Variants in OR7C1 observed in about 807,000 individuals in gnomAD.
OR7C1 encodes the protein olfactory receptor 7C1.
For synonymous variants in OR7C1, 152 were observed against 160.7 expected, an observed-to-expected ratio of 0.95 and a Z score of 0.41; for missense variants, 324 against 383.3, an observed-to-expected ratio of 0.85 and a Z score of 1.29.
chr19:14,827,513 A>G, intron 1 of OR7C1: 1 of 1,614,150 alleles, frequency 6.2e-7, no homozygotes. Flanking sequence ...CTGAGAGGTG[A>G]GATGCACAGG....
chr19:14,813,072 C>CA (rs61686100), intron 1 of OR7C1, among the ~76,000 whole-genome samples: 8,166 of 87,488 alleles, frequency 0.093, 522 homozygotes, highest in African/African-American at 0.2. Context: ...GATTCCATCT[C>CA]AAAAAAAAAA....
intron 1 of OR7C1, among the ~76,000 whole-genome samples, chr19:14,811,814 A>G (rs1351665870): frequency 6.6e-6 from 1 of 151,946 alleles, no homozygotes; most frequent in Non-Finnish European, 1.5e-5. Context: ...CTGTCAGACT[A>G]TCCACCATAC....
chr19:14,831,319 C>G (rs940686983), intron 1 of OR7C1, among the ~76,000 whole-genome samples: 1 of 152,180 alleles, frequency 6.6e-6, no homozygotes, highest in Non-Finnish European at 1.5e-5. Flanking sequence ...GTAAAAGACT[C>G]ATTTTTTTCT....
rs543628760 is a variant in OR7C1 at position 14,803,771 on chromosome 19, G to A, written c.-434-3007C>T. Among the ~76,000 whole-genome samples, 9 of 151,650 alleles carry A rather than the reference G, an allele frequency of 5.9e-5. No homozygotes were observed. In the East Asian group the frequency reaches 1.7e-3, roughly 29 times the overall value. On this transcript the variant is annotated intron_variant, in intron 2 of 4. Coordinates refer to ENST00000641666, the Ensembl canonical transcript of OR7C1. The stretch of plus-strand genomic sequence containing the variant: ...GTCGCCCAGGCTGGAGTGCAGTGGC[G>A]CGATCTCGGCTCACTTCAACCTCTG...
intron 1 of OR7C1, chr19:14,826,403 G>A (rs2044768097): frequency 6.6e-6 from 1 of 152,162 alleles, no homozygotes; most frequent in Non-Finnish European, 1.5e-5. Flanking sequence ...GGGATAGAAG[G>A]ATTCGTATTT....
At chr19:14,814,799 C>T (rs181089944) in intron 1 of OR7C1, among the ~76,000 whole-genome samples, 3 of 152,272 alleles carry the variant, frequency 2.0e-5, no homozygotes, top group African/African-American at 2.4e-5. Context: ...AACTTCACTT[C>T]CAGCCATGAC....
intron 1 of OR7C1, among the ~76,000 whole-genome samples, chr19:14,829,934 C>T (rs1346937676): frequency 6.6e-6 from 1 of 152,172 alleles, no homozygotes; most frequent in African/African-American, 2.4e-5. Context: ...GTGATCATAG[C>T]TCACTGCAGC....
chr19:14,830,840 G>C (rs367801627), intron 1 of OR7C1, among the ~76,000 whole-genome samples: 1 of 152,086 alleles, frequency 6.6e-6, no homozygotes. Context: ...CACAACCCTC[G>C]TGTGCCAATG....
chr19:14,819,332 C>G (rs1042752743), intron 1 of OR7C1, among the ~76,000 whole-genome samples: 1 of 151,990 alleles, frequency 6.6e-6, no homozygotes, highest in Admixed American at 6.6e-5. Context: ...ACCCCCACCC[C>G]CTGACAGGCT....
rs8103244 is a variant in OR7C1, at chr19:14,805,755, C to A, written c.-435+4051G>T. Among the ~76,000 whole-genome samples, 87 of 151,978 alleles carry A rather than the reference C, an allele frequency of 5.7e-4. 2 individuals are homozygous for A. The highest frequency in any genetic ancestry group is 6.8e-3 in the Middle Eastern group (2 of 294). On this transcript the variant is annotated intron_variant, in intron 2 of 4. Transcript: ENST00000641666. ...GTGTGACAAAAAATAATCTGAATGA[C>A]CAGCTTCATTGGGTTTTCTTTTTCT...
intron 1 of OR7C1, among the ~76,000 whole-genome samples, chr19:14,829,264 C>T (rs893702552): frequency 6.6e-6 from 1 of 152,170 alleles, no homozygotes; most frequent in Admixed American, 6.5e-5. Flanking sequence ...AGCGCAGTGG[C>T]GCAATCTCAG....
intron 2 of OR7C1, among the ~76,000 whole-genome samples, chr19:14,803,441 TCTC>T (rs1568247517): frequency 6.6e-6 from 1 of 151,970 alleles, no homozygotes; most frequent in Non-Finnish European, 1.5e-5. Flanking sequence ...CATGTTGTCT[TCTC>T]CTTACTGTAC....
chr19:14,829,557 G>A (rs2044810837), intron 1 of OR7C1, among the ~76,000 whole-genome samples: 1 of 152,154 alleles, frequency 6.6e-6, no homozygotes, highest in Admixed American at 6.5e-5. Context: ...TGTGGCCAGG[G>A]AATCAGTAAG....
At chr19:14,829,660 G>C (rs746652834) in intron 1 of OR7C1, among the ~76,000 whole-genome samples, 21 of 152,224 alleles carry the variant, frequency 1.4e-4, no homozygotes, top group Non-Finnish European at 2.8e-4. Context: ...CATCTGTCTA[G>C]ATGCTGTTGC....
chr19:14,827,595 T>C (rs2044783337), intron 1 of OR7C1: 1 of 1,613,996 alleles, frequency 6.2e-7, no homozygotes, highest in Admixed American at 1.7e-5. Context: ...AGAGTAAGAG[T>C]AAAGGATCCC....
chr19:14,824,376 C>G (rs997643514), intron 1 of OR7C1: 1 of 152,210 alleles, frequency 6.6e-6, no homozygotes, highest in Non-Finnish European at 1.5e-5. Context: ...TTCCTACTCC[C>G]TTTCTCCCCA....
intron 1 of OR7C1, among the ~76,000 whole-genome samples, chr19:14,816,473 C>T (rs749413798): frequency 2.0e-4 from 30 of 152,164 alleles, no homozygotes; most frequent in Non-Finnish European, 4.3e-4. Flanking sequence ...TTCCAGCTTT[C>T]GTCTTTCTCC....
intron 1 of OR7C1, among the ~76,000 whole-genome samples, chr19:14,820,208 G>A (rs2044734395): frequency 6.6e-6 from 1 of 152,030 alleles, no homozygotes. Context: ...CACTGCGCCG[G>A]GATAGATCAT....
intron 2 of OR7C1, among the ~76,000 whole-genome samples, chr19:14,805,314 C>G (rs998490556): frequency 6.6e-6 from 1 of 151,620 alleles, no homozygotes; most frequent in Non-Finnish European, 1.5e-5. Flanking sequence ...CATTGAGACC[C>G]TGGTGCCTTC....
Sources: gnomAD v4.1 joint callset for allele counts (sites outside exome capture counted in the v4.1 genomes callset) on GRCh38, gnomAD v4.1.1 for gene constraint, MANE v1.5 for transcripts, NCBI Gene and HGNC (gene_info 2026-07-23, HGNC 2026-07-21) for gene names.